The following ECT2L variants were observed in gnomAD, a reference collection of about 807,000 sequenced individuals.
ECT2L encodes epithelial cell-transforming sequence 2 oncogene-like.
Under a neutral mutation model 122.8 loss-of-function variants are expected in ECT2L, and 126 were observed. The ratio of observed to expected loss-of-function variants is 1.03; its 90% CI spans 0.89 to 1.19. ECT2L has a LOEUF of 1.19. Among genes scored for constraint, ECT2L ranks in the 50% most tolerant of loss-of-function variants. The pLI, the probability that ECT2L is intolerant of heterozygous loss-of-function variation, is 0.00. For synonymous variants in ECT2L, 385 were observed against 381.8 expected, an observed-to-expected ratio of 1.01 and a Z score of -0.10; for missense variants, 1,012 against 1,064.1, an observed-to-expected ratio of 0.95 and a Z score of 0.68.
At chr6:138,878,741 G>C (rs1159121086) in intron 14 of ECT2L, among the ~76,000 whole-genome samples, 1 of 152,000 alleles carries the variant, frequency 6.6e-6, no homozygotes, top group Non-Finnish European at 1.5e-5. Flanking sequence ...GCCACCGCAC[G>C]TGGCCAAGGA....
intron 8 of ECT2L, among the ~76,000 whole-genome samples, chr6:138,846,964 T>TAAA (rs775229639): frequency 0.01 from 746 of 72,972 alleles, 16 homozygotes; most frequent in African/African-American, 0.037. Flanking sequence ...TCTGTTTCTA[T>TAAA]AAAAAAAAAA....
At chr6:138,824,563 A>AC (rs1282039685) in intron 4 of ECT2L, among the ~76,000 whole-genome samples, 51 of 127,088 alleles carry the variant, frequency 4.0e-4, no homozygotes, top group Non-Finnish European at 7.3e-4. Context: ...AACTATAAAA[A>AC]AAAACAAAAA....
intron 3 of ECT2L, among the ~76,000 whole-genome samples, 158 bp from the exon 4 acceptor site, chr6:138,814,333 G>A (rs1462922364): frequency 6.6e-6 from 1 of 152,158 alleles, no homozygotes; most frequent in African/African-American, 2.4e-5. Context: ...AACCTGAAAG[G>A]AGAGACCTTT....
At chr6:138,889,916 C>A (rs368549126) in intron 20 of ECT2L, among the ~76,000 whole-genome samples, 1 of 152,278 alleles carries the variant, frequency 6.6e-6, no homozygotes. Flanking sequence ...CAAATGATAT[C>A]TGTGGCAACT....
chr6:138,800,088 A>T (rs1055904026), intron 1 of ECT2L, among the ~76,000 whole-genome samples: 2 of 152,148 alleles, frequency 1.3e-5, no homozygotes, highest in African/African-American at 4.8e-5. Context: ...AGAGACACAG[A>T]TTGGGGTCTT....
chr6:138,876,126 A>G (rs1315717182), intron 13 of ECT2L, among the ~76,000 whole-genome samples: 1 of 139,194 alleles, frequency 7.2e-6, no homozygotes, highest in Non-Finnish European at 1.6e-5. Context: ...CAAGAAAAAG[A>G]AAAAAAAAAA....
intron 20 of ECT2L, 27 bp downstream of exon 20, chr6:138,889,058 C>T (rs1778928513): frequency 7.7e-7 from 1 of 1,293,586 alleles, no homozygotes; most frequent in Non-Finnish European, 1.1e-6. Flanking sequence ...TATCCTAAGG[C>T]TGTGGACACC....
At chr6:138,856,220 C>T (rs1164502541) in intron 10 of ECT2L, among the ~76,000 whole-genome samples, 6 of 146,214 alleles carry the variant, frequency 4.1e-5, no homozygotes, top group Non-Finnish European at 7.4e-5. Flanking sequence ...TTTTTGTCTC[C>T]CCCACCCCAC....
intron 1 of ECT2L, among the ~76,000 whole-genome samples, chr6:138,804,935 G>C (rs1351846938): frequency 6.6e-6 from 1 of 152,084 alleles, no homozygotes; most frequent in Non-Finnish European, 1.5e-5. Flanking sequence ...GAAGTCTAGG[G>C]CTCCCTCTCT....
chr6:138,889,043 T>C lies in ECT2L; in HGVS notation c.2414+12T>C. 1 of 1,488,840 alleles carries C rather than the reference T, an allele frequency of 6.7e-7. No homozygotes were observed. The highest frequency in any genetic ancestry group is 9.1e-7 in the Non-Finnish European group (1 of 1,097,806). The allele number at this position is 1,488,840 out of a possible 1,614,324, so 92.2% of individuals were successfully genotyped here. ...AGTTTCTCTTTAAGGTAAACAATAG[T>C]TAACTATCCTAAGGCTGTGGACACC... is the stretch of plus-strand genomic sequence containing the variant. On this transcript the variant is annotated intron_variant, in intron 20 of 21. Transcript: ENST00000541398.
chr6:138,858,026 C>T (rs892534040), intron 10 of ECT2L, among the ~76,000 whole-genome samples: 2 of 152,124 alleles, frequency 1.3e-5, no homozygotes, highest in Non-Finnish European at 2.9e-5. Flanking sequence ...CTCGCTCTCA[C>T]GAGAAGAGGA....
intron 1 of ECT2L, among the ~76,000 whole-genome samples, chr6:138,808,132 T>A (rs947515721): frequency 1.2e-4 from 18 of 152,068 alleles, no homozygotes; most frequent in Non-Finnish European, 5.9e-5. Flanking sequence ...AGAATCAATA[T>A]CTTCACAGAT....
intron 4 of ECT2L, among the ~76,000 whole-genome samples, chr6:138,814,968 A>C (rs547986004): frequency 6.6e-6 from 1 of 152,374 alleles, no homozygotes; most frequent in East Asian, 1.9e-4. Context: ...CATTAAATGA[A>C]TGGATGGATC....
chr6:138,806,017 A>G (rs538724221), intron 1 of ECT2L, among the ~76,000 whole-genome samples: 18 of 152,282 alleles, frequency 1.2e-4, no homozygotes, highest in African/African-American at 4.3e-4. Flanking sequence ...AGCACACAGA[A>G]TACCTTTATT....
At chr6:138,833,154 C>T (rs1776708696) in intron 4 of ECT2L, among the ~76,000 whole-genome samples, 1 of 152,118 alleles carries the variant, frequency 6.6e-6, no homozygotes, top group South Asian at 2.1e-4. Flanking sequence ...AGGTCCCTCC[C>T]TTGACATGTG....
chr6:138,837,352 T>A (rs976740928), intron 4 of ECT2L, among the ~76,000 whole-genome samples: 4 of 152,094 alleles, frequency 2.6e-5, no homozygotes. Context: ...CTTCTCCCCT[T>A]CTGCACACGG....
In ECT2L at chr6:138,854,086, T is replaced by C. The variant is rs1217033879; in HGVS notation, c.1130T>C (p.Leu377Ser). ...RPEVRDFWEK[L>S]GSYVATEEEG... ...GAAGTGAGAGATTTCTGGGAGAAAT[T>C]AGGAAGCTATGTGGCCACTGAAGAA... is the stretch of plus-strand genomic sequence containing the variant. The change falls in exon 10 of 22, where the codon TTA (leucine) becomes TCA (serine). Residue 377 changes from leucine (L) to serine (S), a missense_variant. Coordinates refer to ENST00000541398, the MANE Select transcript of ECT2L (RefSeq NM_001077706.3). 3 of 1,614,026 alleles carry C rather than the reference T, an allele frequency of 1.9e-6. No homozygotes were observed. Among genetic ancestry groups the C allele is most frequent in the East Asian group, 4.5e-5 (2 of 44,890 alleles).
chr6:138,877,742 TG>T (rs1404710327), intron 14 of ECT2L, among the ~76,000 whole-genome samples: 1 of 152,102 alleles, frequency 6.6e-6, no homozygotes, highest in Admixed American at 6.5e-5. Context: ...GAGACCAGCC[TG>T]GGCAACATAG....
chr6:138,834,774 G>A (rs1159710214), intron 4 of ECT2L, among the ~76,000 whole-genome samples: 1 of 152,034 alleles, frequency 6.6e-6, no homozygotes, highest in African/African-American at 2.4e-5. Context: ...TAATCTCTAA[G>A]GAAATGACAG....
Sources: allele counts gnomAD v4.1 joint callset (sites outside exome capture counted in the v4.1 genomes callset), GRCh38; gene constraint gnomAD v4.1.1; transcripts MANE v1.5; gene names NCBI Gene and HGNC (gene_info 2026-07-23, HGNC 2026-07-21).